The following SEMA5A variants were observed in gnomAD, a reference collection of about 807,000 sequenced individuals.
SEMA5A encodes the protein semaphorin-5A.
Under a neutral mutation model 135.5 loss-of-function variants are expected in SEMA5A, and 55 were observed. That is an observed-to-expected ratio of 0.41 (90% CI 0.33 to 0.51). The LOEUF is 0.51. SEMA5A is among the 20% of genes least tolerant of loss of function. SEMA5A has a pLI of 0.37. For missense variants in SEMA5A, 1,290 were observed against 1,419.9 expected, an observed-to-expected ratio of 0.91 and a Z score of 1.47; for synonymous variants, 580 against 546.5, an observed-to-expected ratio of 1.06 and a Z score of -0.85.
intron 5 of SEMA5A, among the ~76,000 whole-genome samples, chr5:9,269,402 T>C (rs1209456214): frequency 6.6e-6 from 1 of 152,176 alleles, no homozygotes; most frequent in Non-Finnish European, 1.5e-5. Context: ...GAGATGGCTA[T>C]GGAATTCCTA....
intron 12 of SEMA5A, among the ~76,000 whole-genome samples, chr5:9,141,284 C>T (rs903702365): frequency 3.3e-5 from 5 of 152,070 alleles, no homozygotes; most frequent in African/African-American, 1.2e-4. Context: ...GTGAAAGTGG[C>T]TTTTCTGTAT....
intron 11 of SEMA5A, among the ~76,000 whole-genome samples, chr5:9,156,132 G>A (rs1449985765): frequency 6.6e-6 from 1 of 152,192 alleles, no homozygotes; most frequent in Non-Finnish European, 1.5e-5. Flanking sequence ...AGAGAAAGGG[G>A]CAGCTGTGGC....
intron 2 of SEMA5A, among the ~76,000 whole-genome samples, chr5:9,430,256 T>C (rs1579527741): frequency 6.6e-6 from 1 of 151,770 alleles, no homozygotes. Context: ...TGGCTAGGGG[T>C]TGTGGGGAGA....
At chr5:9,383,131 A>C (rs1169194733) in intron 2 of SEMA5A, among the ~76,000 whole-genome samples, 1 of 152,234 alleles carries the variant, frequency 6.6e-6, no homozygotes, top group Non-Finnish European at 1.5e-5. Flanking sequence ...CCTGGATTAT[A>C]ACATTAAAAC....
intron 3 of SEMA5A, among the ~76,000 whole-genome samples, chr5:9,346,684 GT>G (rs1554022718): frequency 6.6e-6 from 1 of 152,188 alleles, no homozygotes; most frequent in Non-Finnish European, 1.5e-5. Flanking sequence ...ACCCCTGCTA[GT>G]GCCAAAGTGG....
intron 2 of SEMA5A, among the ~76,000 whole-genome samples, chr5:9,403,275 G>A (rs1323924332): frequency 2.0e-5 from 3 of 152,054 alleles, no homozygotes. Flanking sequence ...ATACAAACCA[G>A]ACCGTAAGCA....
intron 16 of SEMA5A, among the ~76,000 whole-genome samples, chr5:9,081,891 C>T (rs1327658150): frequency 6.6e-6 from 1 of 152,124 alleles, no homozygotes; most frequent in African/African-American, 2.4e-5. Flanking sequence ...AAGCGGTGTT[C>T]TATTCCTTCC....
rs560886466 is a variant in SEMA5A, at chr5:9,201,723, G to A, written c.932+232C>T. The stretch of plus-strand genomic sequence containing the variant: ...TAATTTAATGTCACTATATCCTAAA[G>A]ATTGACAAAAACTTTCTTGATTTGG... On this transcript the variant is annotated intron_variant, in intron 9 of 22. Transcript: ENST00000382496. Among the ~76,000 whole-genome samples, 11 of 152,308 alleles carry A rather than the reference G, an allele frequency of 7.2e-5. No individual in the cohort carries two copies. The South Asian group carries it at 2.1e-3, about 29-fold the overall frequency.
intron 2 of SEMA5A, among the ~76,000 whole-genome samples, chr5:9,409,121 T>C: frequency 6.6e-6 from 1 of 152,194 alleles, no homozygotes; most frequent in Non-Finnish European, 1.5e-5. Flanking sequence ...CGATGCCAAC[T>C]GGATGATTTT....
In SEMA5A at chr5:9,338,325, T is replaced by A. The variant is rs188502428; in HGVS notation, c.125-513A>T. Among the ~76,000 whole-genome samples the A allele has an allele frequency of 6.4e-4, 98 of 152,322 alleles. 5 individuals are homozygous for A. In the East Asian group the frequency reaches 0.016, roughly 25 times the overall value. On this transcript the variant is annotated intron_variant, in intron 3 of 22. Transcript: ENST00000382496. ...TATTTTGGCCCCATGATTAGACTTG[T>A]TAAACACATTCCGACCTTTCTAGAT...
rs1460810643 is a variant in SEMA5A, at chr5:9,391,538, A to C, written c.-77-11515T>G. Among the ~76,000 whole-genome samples, 3 of 152,174 alleles carry C rather than the reference A, an allele frequency of 2.0e-5. No individual in the cohort carries two copies. In the East Asian group the frequency reaches 5.8e-4, roughly 29 times the overall value. On this transcript the variant is annotated intron_variant, in intron 2 of 22. Transcript: ENST00000382496. ...TCTACTTCCTGGCTGAGTCTTCGCC[A>C]TCACAGCTGGAGTCATTTTGGATTG...
chr5:9,380,775 A>G (rs563994432), intron 2 of SEMA5A, among the ~76,000 whole-genome samples: 1 of 152,362 alleles, frequency 6.6e-6, no homozygotes, highest in South Asian at 2.1e-4. Context: ...CCAAGCTGTT[A>G]GCAAACCTCA....
chr5:9,435,161 T>C (rs1486323612), intron 2 of SEMA5A, among the ~76,000 whole-genome samples: 3 of 152,260 alleles, frequency 2.0e-5, no homozygotes, highest in African/African-American at 7.2e-5. Flanking sequence ...AGAGGGATAT[T>C]CGAGACCAGA....
chr5:9,122,852 C>G lies in SEMA5A; in HGVS notation c.1600-15G>C. ...AGATTCCTGGTCTAGGAAGCAAAAC[C>G]AAGCAGAGGTGTCAGAAAAGGTTAA... On this transcript the variant is annotated splice_polypyrimidine_tract_variant and intron_variant, in intron 13 of 22. Transcript: ENST00000382496. The G allele has an allele frequency of 6.3e-7, 1 of 1,575,254 alleles. No individual in the cohort carries two copies. Among genetic ancestry groups the G allele is most frequent in the East Asian group, 2.3e-5 (1 of 43,818 alleles).
rs562115638 is a variant in SEMA5A, at chr5:9,245,459, T to A, written c.271-7569A>T. Among the ~76,000 whole-genome samples the A allele has an allele frequency of 1.2e-4, 19 of 152,326 alleles. No individual in the cohort carries two copies. The East Asian group carries it at 3.7e-3, about 29-fold the overall frequency. On this transcript the variant is annotated intron_variant, in intron 5 of 22. Coordinates refer to ENST00000382496, the MANE Select transcript of SEMA5A (RefSeq NM_003966.3). ...TTAGAAAAATGTGAGACCAAGTGACTGCTGAGTCATAACACCCTCGGTATC... is the reference window on the plus strand; with the variant it reads ...TTAGAAAAATGTGAGACCAAGTGACAGCTGAGTCATAACACCCTCGGTATC...
At chr5:9,519,365 T>C (rs571504512) in intron 1 of SEMA5A, among the ~76,000 whole-genome samples, 1 of 152,368 alleles carries the variant, frequency 6.6e-6, no homozygotes, top group South Asian at 2.1e-4. Context: ...AATACTGTTT[T>C]CTTCAGATGG....
chr5:9,384,813 C>T (rs1755818818), intron 2 of SEMA5A, among the ~76,000 whole-genome samples: 1 of 152,050 alleles, frequency 6.6e-6, no homozygotes, highest in African/African-American at 2.4e-5. Flanking sequence ...AACAAGCTGC[C>T]ATGACTTGAA....
At chr5:9,090,989 G>C (rs1041535788) in intron 16 of SEMA5A, among the ~76,000 whole-genome samples, 2 of 152,184 alleles carry the variant, frequency 1.3e-5, no homozygotes, top group African/African-American at 2.4e-5. Context: ...GAGGCCTGTT[G>C]TAAGTAGTTA....
intron 16 of SEMA5A, among the ~76,000 whole-genome samples, chr5:9,101,502 G>A (rs544278956): frequency 6.6e-6 from 1 of 152,326 alleles, no homozygotes; most frequent in East Asian, 1.9e-4. Flanking sequence ...AGATGATGAT[G>A]ATGGTGATGA....
Sources: gnomAD v4.1 joint callset for allele counts (sites outside exome capture counted in the v4.1 genomes callset) on GRCh38, gnomAD v4.1.1 for gene constraint, MANE v1.5 for transcripts, NCBI Gene and HGNC (gene_info 2026-07-23, HGNC 2026-07-21) for gene names.